Variants in INPP4B observed in about 807,000 individuals in gnomAD.
The protein encoded by INPP4B is inositol polyphosphate-4-phosphatase type II B, also known as inositol polyphosphate 4-phosphatase type II.
INPP4B carries 55 observed loss-of-function variants against 122.5 expected under a neutral mutation model. The observed-to-expected ratio is 0.45, with a 90% confidence interval of 0.36 to 0.56. The LOEUF (loss-of-function observed/expected upper bound fraction) is 0.56, where lower values mean the gene tolerates loss of function less well. Among genes scored for constraint, INPP4B ranks in the 20% least tolerant of loss-of-function variants. The pLI is 0.00. For synonymous variants in INPP4B, 403 were observed against 388.7 expected (o/e 1.04, Z -0.43); for missense variants, 1,000 against 1,097.7 (o/e 0.91, Z 1.26).
chr4:142,513,808 T>C lies in INPP4B; in HGVS notation c.-190-51082A>G, dbSNP rs111527964. 7.4e-3 allele frequency among the ~76,000 whole-genome samples: 1,120 copies of C among 152,226 alleles called. 16 individuals carry two copies. Among genetic ancestry groups the C allele is most frequent in the African/African-American group, 0.025 (1,048 of 41,538 alleles). ...GCCCCCAACGCCTAATACCATCACA[T>C]TGGGGATTAGGATTTAAACATATGA... On this transcript the variant is annotated intron_variant, in intron 2 of 25. Transcript: ENST00000262992.
intron 25 of INPP4B, among the ~76,000 whole-genome samples, chr4:142,064,544 A>T (rs1762529083): frequency 1.3e-5 from 2 of 152,172 alleles, no homozygotes; most frequent in Admixed American, 1.3e-4. Context: ...AACTACAGAT[A>T]CTAGGAGTTT....
chr4:142,337,991 T>C (rs1171361277), intron 7 of INPP4B, among the ~76,000 whole-genome samples: 1 of 148,762 alleles, frequency 6.7e-6, no homozygotes, highest in East Asian at 2.0e-4. Context: ...CCTAATATCA[T>C]TATACCAATT....
intron 2 of INPP4B, among the ~76,000 whole-genome samples, chr4:142,643,647 A>C (rs1293949364): frequency 6.6e-6 from 1 of 152,202 alleles, no homozygotes; most frequent in African/African-American, 2.4e-5. Flanking sequence ...TTCAGTGTTC[A>C]TCTCACTTCA....
intron 2 of INPP4B, among the ~76,000 whole-genome samples, chr4:142,584,812 C>T (rs1735823540): frequency 6.6e-6 from 1 of 151,968 alleles, no homozygotes; most frequent in Admixed American, 6.6e-5. Context: ...AGTTATGTTC[C>T]ACCTCCTTGA....
At chr4:142,669,979 C>A (rs956900244) in intron 2 of INPP4B, among the ~76,000 whole-genome samples, 2 of 152,146 alleles carry the variant, frequency 1.3e-5, no homozygotes, top group African/African-American at 2.4e-5. Flanking sequence ...CAAAGTTGAA[C>A]TTTCTGTGGT....
At chr4:142,703,392 A>G (rs1262187009) in intron 2 of INPP4B, among the ~76,000 whole-genome samples, 3 of 152,208 alleles carry the variant, frequency 2.0e-5, no homozygotes, top group Non-Finnish European at 4.4e-5. Flanking sequence ...AGGTCACAAT[A>G]CTATTATGGC....
At chr4:142,449,464 G>A (rs9992455) in intron 3 of INPP4B, among the ~76,000 whole-genome samples, 1,822 of 152,284 alleles carry the variant, frequency 0.012, 33 homozygotes, top group African/African-American at 0.041. Flanking sequence ...AGCACTTTGG[G>A]AGGTTGAGGC....
intron 15 of INPP4B, among the ~76,000 whole-genome samples, chr4:142,178,255 T>A (rs1217311161): frequency 6.6e-6 from 1 of 152,154 alleles, no homozygotes; most frequent in African/African-American, 2.4e-5. Context: ...TCCTTCAAAA[T>A]ATACCCAGAA....
At chr4:142,588,452 A>T (rs1271645479) in intron 2 of INPP4B, among the ~76,000 whole-genome samples, 1 of 151,800 alleles carries the variant, frequency 6.6e-6, no homozygotes, top group Non-Finnish European at 1.5e-5. Flanking sequence ...CAAATAAGGA[A>T]GTGTGGCACT....
intron 14 of INPP4B, among the ~76,000 whole-genome samples, chr4:142,197,530 C>A (rs545721738): frequency 4.6e-5 from 7 of 152,138 alleles, no homozygotes; most frequent in African/African-American, 1.7e-4. Context: ...TGAATATGGT[C>A]ATAAAATTGT....
chr4:142,842,884 GATT>G (rs1350449316), intron 1 of INPP4B, among the ~76,000 whole-genome samples: 1 of 133,168 alleles, frequency 7.5e-6, no homozygotes, highest in Admixed American at 8.1e-5. Context: ...AAATATATAT[GATT>G]ATTATATATT....
At position 142,151,302 on chromosome 4, in the gene INPP4B, C is replaced by T. The variant is rs548670801; in HGVS notation, c.1564-5306G>A. 1.3e-4 allele frequency among the ~76,000 whole-genome samples: 20 copies of T among 152,190 alleles called. No individual in the cohort carries two copies. The South Asian group carries it at 3.9e-3, about 30-fold the overall frequency. ...TTCACACACACACACCACATATCAA[C>T]ATCCACACATCAACACACACACACA... On this transcript the variant is annotated intron_variant, in intron 17 of 25. Coordinates refer to ENST00000262992, the MANE Select transcript of INPP4B (RefSeq NM_001101669.3).
At chr4:142,454,114 C>T (rs533980380) in intron 3 of INPP4B, among the ~76,000 whole-genome samples, 1 of 152,026 alleles carries the variant, frequency 6.6e-6, no homozygotes, top group East Asian at 1.9e-4. Flanking sequence ...CATGTGTAGA[C>T]TTTCCTTCTT....
At position 142,123,407 on chromosome 4, in the gene INPP4B, T is replaced by C. The variant is rs950860150; in HGVS notation, c.1902A>G (p.Gly634=). Residue 634 remains glycine, a synonymous_variant, in exon 20 of 26, where the codon GGA becomes GGG. Coordinates refer to ENST00000262992, the MANE Select transcript of INPP4B (RefSeq NM_001101669.3). ...RDIVFSQALA[G]LVCGFIIKLQ... ...ATTTGATGATAAAACCACAAACCAATCCAGCAAGCTGAAAAAAAAATATTG... is the reference window on the plus strand; with the variant it reads ...ATTTGATGATAAAACCACAAACCAACCCAGCAAGCTGAAAAAAAAATATTG... The C allele has an allele frequency of 1.2e-6, 2 of 1,606,806 alleles. No individual in the cohort carries two copies. Among genetic ancestry groups the C allele is most frequent in the Admixed American group, 3.4e-5 (2 of 58,176 alleles).
chr4:142,769,663 C>T (rs996826530), intron 1 of INPP4B, among the ~76,000 whole-genome samples: 1 of 151,926 alleles, frequency 6.6e-6, no homozygotes, highest in African/African-American at 2.4e-5. Flanking sequence ...ACCTGTAATC[C>T]CAACAATTTG....
chr4:142,176,356 G>GA (rs1289836437), intron 15 of INPP4B, among the ~76,000 whole-genome samples: 3 of 151,400 alleles, frequency 2.0e-5, no homozygotes, highest in Non-Finnish European at 4.4e-5. Context: ...CACAGAATTG[G>GA]AAAAAAACCA....
intron 21 of INPP4B, among the ~76,000 whole-genome samples, chr4:142,115,544 T>C (rs915017696): frequency 2.0e-5 from 3 of 152,184 alleles, no homozygotes; most frequent in Non-Finnish European, 2.9e-5. Flanking sequence ...ACCCAGAATT[T>C]CATATCCAGC....
intron 18 of INPP4B, among the ~76,000 whole-genome samples, chr4:142,127,905 G>A (rs1799337208): frequency 1.3e-5 from 2 of 152,092 alleles, no homozygotes; most frequent in African/African-American, 4.8e-5. Context: ...CTCAGGTTCT[G>A]AAATAAACAC....
chr4:142,425,235 G>T (rs2149335782), intron 5 of INPP4B: 1 of 152,092 alleles, frequency 6.6e-6, no homozygotes, highest in Middle Eastern at 3.4e-3. Context: ...CAATCACCAG[G>T]CCTGATCCCA....
Sources: gnomAD v4.1 joint callset for allele counts (sites outside exome capture counted in the v4.1 genomes callset) on GRCh38, gnomAD v4.1.1 for gene constraint, MANE v1.5 for transcripts, NCBI Gene and HGNC (gene_info 2026-07-23, HGNC 2026-07-21) for gene names.